Variants in ST6GALNAC3 observed in about 807,000 individuals in gnomAD.
The protein encoded by ST6GALNAC3 is ST6 N-acetylgalactosaminide alpha-2,6-sialyltransferase 3, also known as alpha-N-acetylgalactosaminide alpha-2,6-sialyltransferase 3.
A neutral mutation model predicts 32.7 loss-of-function variants in ST6GALNAC3; 25 were observed. The ratio of observed to expected loss-of-function variants is 0.76; its 90% CI spans 0.56 to 1.07. The LOEUF (loss-of-function observed/expected upper bound fraction) is 1.07, where lower values mean the gene tolerates loss of function less well. ST6GALNAC3 is among the 50% of genes least tolerant of loss of function. ST6GALNAC3 has a pLI of 0.00. For synonymous variants in ST6GALNAC3, 129 were observed against 133.1 expected (o/e 0.97, Z 0.21); for missense variants, 355 against 382.4 (o/e 0.93, Z 0.60).
chr1:76,194,477 T>G (rs1654083734), intron 1 of ST6GALNAC3, among the ~76,000 whole-genome samples: 1 of 150,876 alleles, frequency 6.6e-6, no homozygotes, highest in Non-Finnish European at 1.5e-5. Flanking sequence ...AAATATTTAA[T>G]TTATTTCAAA....
At chr1:76,397,802 G>A (rs1202888936) in intron 2 of ST6GALNAC3, among the ~76,000 whole-genome samples, 1 of 151,976 alleles carries the variant, frequency 6.6e-6, no homozygotes, top group African/African-American at 2.4e-5. Flanking sequence ...GTTTTGTTTT[G>A]TTTTGTTTTT....
rs1646787473 is a variant in ST6GALNAC3, at chr1:76,074,750, C to G, written c.-117C>G. ...TACACCGCGGTCCCCTTATTTGGAT[C>G]TGCGGGAATGTGGGCTGGAGAGGTC... On this transcript the variant is annotated 5_prime_UTR_variant, in exon 1 of 5. In the 5' UTR this introduces an upstream ATG that the reference lacks. Coordinates refer to ENST00000328299, the MANE Select transcript of ST6GALNAC3 (RefSeq NM_152996.4). 1 of 1,150,072 alleles carries G rather than the reference C, an allele frequency of 8.7e-7. No individual in the cohort carries two copies. The highest frequency in any genetic ancestry group is 1.2e-6 in the Non-Finnish European group (1 of 823,182). 71.2% of individuals were successfully genotyped at this position (1,150,072 alleles called of 1,614,324 possible). A position where few individuals can be genotyped will look rare whatever the true frequency, so the allele number is the denominator to read the frequency against.
chr1:76,159,557 A>G (rs1273478188), intron 1 of ST6GALNAC3, among the ~76,000 whole-genome samples: 2 of 152,156 alleles, frequency 1.3e-5, no homozygotes, highest in Non-Finnish European at 2.9e-5. Flanking sequence ...TTCTGGCTTC[A>G]CCACTCTCTG....
In ST6GALNAC3 at chr1:76,183,851, A is replaced by AATATATATATATATATATATATATAT. The variant is rs71071991; in HGVS notation, c.18+108989_18+108990insATATATATATATATATATATATATAT. 1.7e-3 allele frequency among the ~76,000 whole-genome samples: 203 copies of AATATATATATATATATATATATATAT among 118,228 alleles called. 3 individuals are homozygous for AATATATATATATATATATATATATAT. Among genetic ancestry groups the AATATATATATATATATATATATATAT allele is most frequent in the African/African-American group, 3.7e-3 (107 of 28,596 alleles). The allele number at this position is 118,228 out of a possible 152,430, so 77.6% of individuals were successfully genotyped here. A position where few individuals can be genotyped will look rare whatever the true frequency, so the allele number is the denominator to read the frequency against. ...GTTGTTGACCAAAATGTAGTGCATG[A>AATATATATATATATATATATATATAT]ATATATATATATATATATATATGTA... On this transcript the variant is annotated intron_variant, in intron 1 of 4. Coordinates refer to ENST00000328299, the MANE Select transcript of ST6GALNAC3 (RefSeq NM_152996.4).
chr1:76,208,041 G>GCCCC (rs5775330), intron 1 of ST6GALNAC3, among the ~76,000 whole-genome samples: 2 of 54,288 alleles, frequency 3.7e-5, no homozygotes, highest in African/African-American at 7.5e-5. Context: ...ACTCAAGAGT[G>GCCCC]CCCCCCCCCC....
chr1:76,182,289 G>A (rs1217676396), intron 1 of ST6GALNAC3, among the ~76,000 whole-genome samples: 2 of 152,116 alleles, frequency 1.3e-5, no homozygotes, highest in African/African-American at 2.4e-5. Context: ...TTTGCACTGG[G>A]CAGCCACTCT....
At chr1:76,083,285 G>A (rs751412633) in intron 1 of ST6GALNAC3, among the ~76,000 whole-genome samples, 10 of 152,250 alleles carry the variant, frequency 6.6e-5, no homozygotes, top group Non-Finnish European at 1.5e-4. Flanking sequence ...CCTCTATTTG[G>A]GACTAGTGGG....
chr1:76,380,678 CAG>C (rs756975920), intron 2 of ST6GALNAC3, among the ~76,000 whole-genome samples: 4 of 151,898 alleles, frequency 2.6e-5, no homozygotes, highest in Non-Finnish European at 4.4e-5. Context: ...AAGATAATAA[CAG>C]AAAAAAATCA....
chr1:76,079,946 C>T (rs940606959), intron 1 of ST6GALNAC3, among the ~76,000 whole-genome samples: 10 of 152,204 alleles, frequency 6.6e-5, no homozygotes. Flanking sequence ...TTACCATGTA[C>T]TGTCAATAAA....
intron 1 of ST6GALNAC3, among the ~76,000 whole-genome samples, chr1:76,095,132 C>T (rs747381412): frequency 6.6e-6 from 1 of 151,848 alleles, no homozygotes; most frequent in Non-Finnish European, 1.5e-5. Context: ...ATATATATAC[C>T]CCTGGGATCT....
intron 1 of ST6GALNAC3, among the ~76,000 whole-genome samples, chr1:76,133,479 G>C (rs755544111): frequency 6.6e-6 from 1 of 152,160 alleles, no homozygotes; most frequent in South Asian, 2.1e-4. Flanking sequence ...TCCACCCCCT[G>C]TCTCTCCACC....
intron 2 of ST6GALNAC3, among the ~76,000 whole-genome samples, chr1:76,396,742 T>A (rs1652991226): frequency 6.6e-6 from 1 of 152,216 alleles, no homozygotes; most frequent in African/African-American, 2.4e-5. Context: ...TAGTGTTTTC[T>A]CCCAAATCTG....
At chr1:76,226,178 G>T (rs1656058442) in intron 1 of ST6GALNAC3, among the ~76,000 whole-genome samples, 1 of 152,214 alleles carries the variant, frequency 6.6e-6, no homozygotes, top group South Asian at 2.1e-4. Context: ...TTGTCTGGCA[G>T]ATAGTAGAGG....
chr1:76,634,084 A>C lies in ST6GALNAC3; in HGVS notation c.*5278A>C. ...AACTACTTGTTTGTTTCTTTTCAGA[A>C]TAGGCACTTTTTTTTGAGTAGAAAA... On this transcript the variant is annotated 3_prime_UTR_variant, in exon 5 of 5. Transcript: ENST00000328299. 2.3e-6 allele frequency: 2 copies of C among 871,834 alleles called. No homozygotes were observed. The highest frequency in any genetic ancestry group is 2.8e-6 in the Non-Finnish European group (2 of 726,712). 54.0% of individuals were successfully genotyped at this position (871,834 alleles called of 1,614,324 possible).
chr1:76,181,158 A>T (rs1255322194), intron 1 of ST6GALNAC3, among the ~76,000 whole-genome samples: 1 of 152,194 alleles, frequency 6.6e-6, no homozygotes, highest in Non-Finnish European at 1.5e-5. Flanking sequence ...GATGGTGGTG[A>T]CTGAACAGAC....
intron 1 of ST6GALNAC3, among the ~76,000 whole-genome samples, chr1:76,171,410 A>G (rs529846997): frequency 4.6e-4 from 70 of 152,210 alleles, no homozygotes; most frequent in African/African-American, 1.7e-3. Flanking sequence ...AGAAGAAACT[A>G]AAACAAGTAA....
chr1:76,237,039 A>G (rs1372124076), intron 1 of ST6GALNAC3, among the ~76,000 whole-genome samples: 1 of 152,126 alleles, frequency 6.6e-6, no homozygotes, highest in Admixed American at 6.5e-5. Context: ...AGAGTGTGCT[A>G]AGGGGATAGG....
At chr1:76,497,395 G>A (rs1157224475) in intron 3 of ST6GALNAC3, among the ~76,000 whole-genome samples, 1 of 152,128 alleles carries the variant, frequency 6.6e-6, no homozygotes. Context: ...CCATAGCAAA[G>A]TCCAGAGTTA....
intron 1 of ST6GALNAC3, among the ~76,000 whole-genome samples, chr1:76,260,208 G>A (rs1331285344): frequency 6.6e-6 from 1 of 152,114 alleles, no homozygotes; most frequent in Non-Finnish European, 1.5e-5. Context: ...AGAGCACTAT[G>A]TGGCTGCTGA....
Sources: gnomAD v4.1 joint callset for allele counts (sites outside exome capture counted in the v4.1 genomes callset) on GRCh38, gnomAD v4.1.1 for gene constraint, MANE v1.5 for transcripts, NCBI Gene and HGNC (gene_info 2026-07-23, HGNC 2026-07-21) for gene names.